SEMA6D: variants seen among roughly 807,000 people sequenced by gnomAD.
SEMA6D encodes semaphorin-6D.
In SEMA6D, 35 loss-of-function variants were observed where a neutral mutation model predicts 106.6. The observed-to-expected ratio is 0.33, with a 90% CI of 0.25 to 0.44. SEMA6D has a LOEUF of 0.44. Among genes scored for constraint, SEMA6D ranks in the 20% least tolerant of loss-of-function variants. The probability of loss-of-function intolerance (pLI) is 1.00; values close to 1 mark genes in which losing one functional copy is unlikely to be tolerated. For missense variants in SEMA6D, 1,185 were observed against 1,345.9 expected (o/e 0.88, Z 1.87); for synonymous variants, 499 against 487.7 (o/e 1.02, Z -0.31).
chr15:47,718,070 A>C (rs1289974293), intron 1 of SEMA6D, among the ~76,000 whole-genome samples: 1 of 152,142 alleles, frequency 6.6e-6, no homozygotes, highest in Non-Finnish European at 1.5e-5. Context: ...AGGGGGCATC[A>C]AGTAAAAGTT....
chr15:47,418,212 C>T (rs1391875224), intron 2 of SEMA6D, among the ~76,000 whole-genome samples: 3 of 151,972 alleles, frequency 2.0e-5, no homozygotes, highest in Admixed American at 1.3e-4. Context: ...TTGTTCTAGG[C>T]AGAGAGAACA....
chr15:47,260,655 G>A (rs1158875274), intron 1 of SEMA6D, among the ~76,000 whole-genome samples: 1 of 152,116 alleles, frequency 6.6e-6, no homozygotes. Flanking sequence ...AGGCCCATGG[G>A]GCAAAAGAGG....
intron 1 of SEMA6D, among the ~76,000 whole-genome samples, chr15:47,723,632 A>G (rs1053815230): frequency 6.6e-6 from 1 of 152,182 alleles, no homozygotes; most frequent in South Asian, 2.1e-4. Flanking sequence ...AAATCTTTCA[A>G]TCAGATACAT....
chr15:47,747,150 T>C (rs1363678758), intron 1 of SEMA6D, among the ~76,000 whole-genome samples: 1 of 152,126 alleles, frequency 6.6e-6, no homozygotes, highest in Non-Finnish European at 1.5e-5. Context: ...TAGTTTCTTG[T>C]ATTATTTTCA....
intron 1 of SEMA6D, among the ~76,000 whole-genome samples, chr15:47,326,056 C>T (rs2037119213): frequency 6.6e-6 from 1 of 152,132 alleles, no homozygotes; most frequent in Admixed American, 6.5e-5. Flanking sequence ...CGAATCAAAG[C>T]TGCTGTCCAC....
At chr15:47,485,057 T>A (rs1224718109) in intron 3 of SEMA6D, among the ~76,000 whole-genome samples, 1 of 152,210 alleles carries the variant, frequency 6.6e-6, no homozygotes, top group East Asian at 1.9e-4. Context: ...TATGAATACT[T>A]ACGAATCTTT....
chr15:47,273,800 C>T (rs547504262), intron 1 of SEMA6D, among the ~76,000 whole-genome samples: 2 of 152,310 alleles, frequency 1.3e-5, no homozygotes, highest in African/African-American at 4.8e-5. Flanking sequence ...CTTACCATAT[C>T]ATGGCAGTAT....
chr15:47,671,417 C>T (rs1305260495), intron 4 of SEMA6D, among the ~76,000 whole-genome samples: 3 of 152,014 alleles, frequency 2.0e-5, no homozygotes, highest in Non-Finnish European at 4.4e-5. Flanking sequence ...AATGAGAAAG[C>T]CTAAGGGCTA....
At chr15:47,225,900 A>G (rs57601044) in intron 1 of SEMA6D, among the ~76,000 whole-genome samples, 166 of 152,120 alleles carry the variant, frequency 1.1e-3, no homozygotes, top group African/African-American at 3.8e-3. Flanking sequence ...TACTTTTCAG[A>G]ATATACACAC....
intron 1 of SEMA6D, among the ~76,000 whole-genome samples, chr15:47,233,901 T>G (rs2032373417): frequency 6.6e-6 from 1 of 152,018 alleles, no homozygotes; most frequent in Non-Finnish European, 1.5e-5. Context: ...ACTGCATGTC[T>G]TTTATTTCCT....
intron 13 of SEMA6D, chr15:47,765,480 TAA>T (rs58590153): frequency 2.1e-4 from 178 of 829,970 alleles, no homozygotes; most frequent in Non-Finnish European, 2.3e-4. Flanking sequence ...TTTAGACCAT[TAA>T]AAAAAAAAAC....
intron 1 of SEMA6D, among the ~76,000 whole-genome samples, chr15:47,251,185 C>A (rs1008096743): frequency 1.3e-5 from 2 of 152,136 alleles, no homozygotes; most frequent in Non-Finnish European, 2.9e-5. Context: ...GTAAGATAGA[C>A]TATAGCAATT....
At chr15:47,316,851 A>G (rs1290395934) in intron 1 of SEMA6D, among the ~76,000 whole-genome samples, 2 of 152,140 alleles carry the variant, frequency 1.3e-5, no homozygotes, top group African/African-American at 4.8e-5. Flanking sequence ...ATTCATGTTT[A>G]TAAGAGATAT....
intron 1 of SEMA6D, among the ~76,000 whole-genome samples, chr15:47,270,185 TTATTA>T (rs1229982226): frequency 2.7e-5 from 4 of 148,454 alleles, no homozygotes; most frequent in African/African-American, 9.8e-5. Context: ...TAGTTATATT[TTATTA>T]TATGTTATAT....
chr15:47,470,535 G>A (rs1596079342), exon 3 of SEMA6D: 2 of 152,114 alleles, frequency 1.3e-5, no homozygotes, highest in African/African-American at 2.4e-5. Context: ...GGAAGCCCAA[G>A]ACTGCTGGAG....
intron 4 of SEMA6D, among the ~76,000 whole-genome samples, chr15:47,695,170 A>T (rs2078672594): frequency 6.6e-6 from 1 of 152,170 alleles, no homozygotes. Flanking sequence ...GTAAATCAAG[A>T]TTCTGTGGAC....
intron 1 of SEMA6D, among the ~76,000 whole-genome samples, chr15:47,203,268 G>A (rs979941088): frequency 6.6e-6 from 1 of 152,018 alleles, no homozygotes; most frequent in Non-Finnish European, 1.5e-5. Flanking sequence ...TGCATGGAGG[G>A]ACTCTTTCTG....
chr15:47,377,819 G>A (rs1567038135), intron 1 of SEMA6D, among the ~76,000 whole-genome samples: 1 of 152,164 alleles, frequency 6.6e-6, no homozygotes, highest in African/African-American at 2.4e-5. Flanking sequence ...GAGAAGGGTA[G>A]GAACATGTCA....
At chr15:47,501,475 G>T (rs1352961810) in intron 3 of SEMA6D, among the ~76,000 whole-genome samples, 1 of 152,192 alleles carries the variant, frequency 6.6e-6, no homozygotes, top group Non-Finnish European at 1.5e-5. Flanking sequence ...ATTTTCTCCA[G>T]TACCTTGTAA....
Sources: allele counts gnomAD v4.1 joint callset (sites outside exome capture counted in the v4.1 genomes callset), GRCh38; gene constraint gnomAD v4.1.1; transcripts MANE v1.5; gene names NCBI Gene and HGNC (gene_info 2026-07-23, HGNC 2026-07-21).